MTUS2: variants seen among roughly 807,000 people sequenced by gnomAD.
MTUS2 encodes the protein microtubule associated scaffold protein 2.
A neutral mutation model predicts 114.1 loss-of-function variants in MTUS2; 40 were observed. That is an observed-to-expected ratio of 0.35 (90% confidence interval 0.27 to 0.46). MTUS2 has a LOEUF of 0.46. MTUS2 is among the 20% of genes least tolerant of loss of function. The pLI, the probability that MTUS2 is intolerant of heterozygous loss-of-function variation, is 1.00. For missense variants in MTUS2, 1,679 were observed against 1,705.4 expected, an observed-to-expected ratio of 0.98 and a Z score of 0.27; for synonymous variants, 688 against 672.0, an observed-to-expected ratio of 1.02 and a Z score of -0.37.
intron 2 of MTUS2, among the ~76,000 whole-genome samples, chr13:28,960,844 T>A (rs1378977759): frequency 1.3e-5 from 2 of 152,098 alleles, no homozygotes; most frequent in Non-Finnish European, 2.9e-5. Context: ...AAGGATGAAT[T>A]CTATGGTGTG....
intron 9 of MTUS2, among the ~76,000 whole-genome samples, chr13:29,460,696 C>T (rs2138788321): frequency 6.6e-6 from 1 of 152,282 alleles, no homozygotes; most frequent in South Asian, 2.1e-4. Flanking sequence ...GATGTGAACG[C>T]ACGAAGGACT....
At chr13:28,875,442 T>C (rs1451639774) in intron 2 of MTUS2, among the ~76,000 whole-genome samples, 1 of 152,252 alleles carries the variant, frequency 6.6e-6, no homozygotes, top group Admixed American at 6.5e-5. Context: ...TTTTGTTTCG[T>C]TTTGTTTATT....
At chr13:29,356,054 A>G (rs1029944357) in intron 7 of MTUS2, among the ~76,000 whole-genome samples, 3 of 152,132 alleles carry the variant, frequency 2.0e-5, no homozygotes, top group Non-Finnish European at 2.9e-5. Flanking sequence ...GGTCAGTGGC[A>G]TGCCTGCCTG....
intron 5 of MTUS2, among the ~76,000 whole-genome samples, chr13:29,185,239 C>T (rs948721396): frequency 1.2e-4 from 18 of 151,808 alleles, no homozygotes; most frequent in South Asian, 6.2e-4. Context: ...GTTGAAAAAA[C>T]GCAAAGAAGA....
intron 5 of MTUS2, among the ~76,000 whole-genome samples, chr13:29,125,821 C>T (rs991902414): frequency 5.9e-5 from 9 of 152,186 alleles, no homozygotes; most frequent in African/African-American, 1.9e-4. Flanking sequence ...TTACTCAGTT[C>T]ACTTCCTGCA....
At chr13:29,333,166 G>A (rs1188252524) in intron 7 of MTUS2, among the ~76,000 whole-genome samples, 8 of 152,042 alleles carry the variant, frequency 5.3e-5, no homozygotes, top group African/African-American at 1.9e-4. Flanking sequence ...CAATTTTTCT[G>A]TAGTTGTGCA....
chr13:29,344,977 G>A (rs1489963033), intron 7 of MTUS2, among the ~76,000 whole-genome samples: 2 of 152,120 alleles, frequency 1.3e-5, no homozygotes, highest in East Asian at 3.9e-4. Flanking sequence ...GGAGGCTAAA[G>A]GTAGGACCCC....
rs766219995 is a variant in MTUS2 at position 29,026,049 on chromosome 13, G to A, written c.1351G>A (p.Asp451Asn). 5.0e-6 allele frequency: 8 copies of A among 1,613,988 alleles called. No individual in the cohort carries two copies. The highest frequency in any genetic ancestry group is 5.9e-6 in the Non-Finnish European group (7 of 1,179,892). The change falls in exon 3 of 16, where the codon GAT (aspartate) becomes AAT (asparagine). Residue 451 changes from aspartate to asparagine, a missense_variant. Physicochemically the swap from Asp to Asn is conservative, Grantham distance 23. Around this residue, in one of 3 missense-constraint regions of MTUS2, gnomAD observed 843 missense variants for 770.8 expected, o/e 1.09. Transcript: ENST00000612955. ...TAATCTGACTGACAGCAAGCCCTTG[G>A]ATGTCATTGAGGAGGAAAGGCGGTT... The part of the protein sequence containing the change: ...PNNLTDSKPL[D>N]VIEEERRLGS...
intron 5 of MTUS2, among the ~76,000 whole-genome samples, chr13:29,234,106 A>G (rs561926231): frequency 1.5e-4 from 23 of 152,338 alleles, no homozygotes; most frequent in Non-Finnish European, 2.8e-4. Context: ...AATAGCTTCC[A>G]GTCCCTCTTC....
intron 5 of MTUS2, chr13:29,242,765 G>A (rs866070110): frequency 3.9e-5 from 6 of 152,162 alleles, no homozygotes; most frequent in Middle Eastern, 3.2e-3. Flanking sequence ...AATAACAACA[G>A]CTAACATTGT....
chr13:29,296,660 C>A (rs1427326547), intron 6 of MTUS2, among the ~76,000 whole-genome samples: 2 of 152,106 alleles, frequency 1.3e-5, no homozygotes, highest in African/African-American at 2.4e-5. Flanking sequence ...GATGAGATGA[C>A]CTCAGTGTGG....
intron 6 of MTUS2, among the ~76,000 whole-genome samples, chr13:29,298,181 C>A (rs993996268): frequency 6.6e-6 from 1 of 152,244 alleles, no homozygotes; most frequent in Admixed American, 6.5e-5. Context: ...CCCTCTGATT[C>A]TGTCATATTG....
At chr13:29,097,541 CAT>C (rs1890228775) in intron 4 of MTUS2, among the ~76,000 whole-genome samples, 2 of 152,302 alleles carry the variant, frequency 1.3e-5, no homozygotes, top group Non-Finnish European at 2.9e-5. Context: ...TACTTGGAAA[CAT>C]ATATTCCTCT....
rs57517278 is a variant in MTUS2, at chr13:29,055,206, C to G, written c.2446+21081C>G. Among the ~76,000 whole-genome samples, 11 of 152,138 alleles carry G rather than the reference C, an allele frequency of 7.2e-5. 1 individual carries two copies. The East Asian group carries it at 1.9e-3, about 27-fold the overall frequency. On this transcript the variant is annotated intron_variant, in intron 4 of 15. Transcript: ENST00000612955. ...CCAATTTTTGCTTCACATTTTAAAG[C>G]TCTATTATTAGGTGCATAAACTCAT...
chr13:28,909,007 C>T (rs911246629), intron 2 of MTUS2, among the ~76,000 whole-genome samples: 12 of 151,352 alleles, frequency 7.9e-5, no homozygotes, highest in Admixed American at 5.3e-4. Flanking sequence ...TATAGATATG[C>T]GGCATTGTTT....
intron 4 of MTUS2, among the ~76,000 whole-genome samples, chr13:29,099,609 T>C (rs1225181971): frequency 6.6e-6 from 1 of 152,174 alleles, no homozygotes; most frequent in Non-Finnish European, 1.5e-5. Flanking sequence ...TAAATCCTCG[T>C]TTACTCTGAA....
chr13:29,135,128 C>A (rs1263899446), intron 5 of MTUS2, among the ~76,000 whole-genome samples: 4 of 152,196 alleles, frequency 2.6e-5, no homozygotes, highest in Non-Finnish European at 5.9e-5. Flanking sequence ...CACGTCAGAA[C>A]CATCCCTTTG....
In MTUS2 at chr13:29,480,177, T is replaced by C; in HGVS notation, c.3212T>C (p.Leu1071Pro). 6.4e-7 allele frequency: 1 copy of C among 1,555,670 alleles called. No individual in the cohort carries two copies. Among genetic ancestry groups the C allele is most frequent in the South Asian group, 1.2e-5 (1 of 84,176 alleles). ...TTCCATACAGCAAAGTGCGAGAAAC[T>C]ACAAAAGGAGAAGGAGGAGCTGGAG... ...VAFHTAKCEK[L>P]QKEKEELERR... The change falls in exon 10 of 16, where the codon CTA (leucine) becomes CCA (proline). Residue 1071 changes from leucine to proline, a missense_variant. Transcript: ENST00000612955. The surrounding 1 kb of genome is among the most constrained non-coding windows in gnomAD (Gnocchi z 4.4).
chr13:28,868,216 T>C (rs1877413369), intron 2 of MTUS2, among the ~76,000 whole-genome samples: 1 of 152,240 alleles, frequency 6.6e-6, no homozygotes. Flanking sequence ...CACATCGTGA[T>C]ATAGTAATTC....
Sources: allele counts gnomAD v4.1 joint callset (sites outside exome capture counted in the v4.1 genomes callset), GRCh38; gene constraint gnomAD v4.1.1; regional missense constraint gnomAD v4.1.1; non-coding constraint Gnocchi (gnomAD v3.1); transcripts MANE v1.5; gene names NCBI Gene and HGNC (gene_info 2026-07-23, HGNC 2026-07-21).